Variants in MAGI3 observed in about 807,000 individuals in gnomAD.
MAGI3 encodes membrane-associated guanylate kinase, WW and PDZ domain-containing protein 3.
MAGI3 carries 43 observed loss-of-function variants against 121.8 expected under a neutral mutation model. The observed-to-expected ratio is 0.35, with a 90% CI of 0.28 to 0.46. The LOEUF (loss-of-function observed/expected upper bound fraction) is 0.46, where lower values mean the gene tolerates loss of function less well. MAGI3 is among the 20% of genes least tolerant of loss of function. MAGI3 has a pLI of 1.00. For synonymous variants in MAGI3, 553 were observed against 639.3 expected (o/e 0.86, Z 2.04); for missense variants, 1,547 against 1,797.3 (o/e 0.86, Z 2.52).
At chr1:113,654,065 C>G in intron 15 of MAGI3, 47 bp downstream of exon 15, 1 of 1,464,364 alleles carries the variant, frequency 6.8e-7, no homozygotes, top group African/African-American at 1.4e-5. Flanking sequence ...GTCCAGTTTT[C>G]TGAGGCTCCC....
intron 1 of MAGI3, among the ~76,000 whole-genome samples, chr1:113,411,580 C>T (rs1419989756): frequency 2.0e-5 from 3 of 151,810 alleles, no homozygotes; most frequent in African/African-American, 4.8e-5. Flanking sequence ...TTTTAAGTCA[C>T]GATGATTATT....
chr1:113,682,096 T>G, intron 20 of MAGI3: 1 of 1,099,342 alleles, frequency 9.1e-7, no homozygotes. Context: ...TCTCTGACTG[T>G]ATTATCTTCC....
rs570350407 is a variant in MAGI3 at position 113,568,655 on chromosome 1, A to G, written c.434-11887A>G. On this transcript the variant is annotated intron_variant, in intron 2 of 20. Coordinates refer to ENST00000307546, the MANE Select transcript of MAGI3 (RefSeq NM_001142782.2). ...GTAGTAAACACCCAAGCTTATATAG[A>G]CATTTCCATGAAAGAAGTGCTGTGG... 5.3e-5 allele frequency among the ~76,000 whole-genome samples: 8 copies of G among 152,260 alleles called. No homozygotes were observed. The South Asian group carries it at 8.3e-4, about 16-fold the overall frequency.
At chr1:113,494,023 A>G (rs1007418129) in intron 1 of MAGI3, among the ~76,000 whole-genome samples, 8 of 152,238 alleles carry the variant, frequency 5.3e-5, no homozygotes, top group African/African-American at 1.9e-4. Flanking sequence ...ATGACTGGGT[A>G]TATATCCAAA....
chr1:113,541,241 C>T (rs1659277317), intron 1 of MAGI3, among the ~76,000 whole-genome samples: 1 of 152,082 alleles, frequency 6.6e-6, no homozygotes, highest in African/African-American at 2.4e-5. Context: ...TGTGATGGCC[C>T]CTTCCAGGAA....
intron 1 of MAGI3, among the ~76,000 whole-genome samples, chr1:113,495,358 C>CT (rs11458302): frequency 0.54 from 77,265 of 143,876 alleles, 21,402 homozygotes; most frequent in African/African-American, 0.69. Flanking sequence ...TGAAGTACCT[C>CT]TTTTTTTTTT....
chr1:113,505,205 TA>T (rs890410784), intron 1 of MAGI3, among the ~76,000 whole-genome samples: 11 of 152,116 alleles, frequency 7.2e-5, no homozygotes, highest in Admixed American at 7.2e-4. Context: ...ACTCAAGATT[TA>T]AATTTGGGAG....
chr1:113,599,292 G>C (rs1226999554), intron 6 of MAGI3, among the ~76,000 whole-genome samples: 2 of 151,922 alleles, frequency 1.3e-5, no homozygotes, highest in Non-Finnish European at 1.5e-5. Flanking sequence ...CTGGTTTTTT[G>C]AAAGGATCAA....
In MAGI3 at chr1:113,511,665, A is replaced by G. The variant is rs144009621; in HGVS notation, c.317-37850A>G. On this transcript the variant is annotated intron_variant, in intron 1 of 20. Transcript: ENST00000307546. ...TGAATACAGTTAATTTCCATGTATT[A>G]ACTTTCTAGACAACCTTGAACAGGT... is the stretch of plus-strand genomic sequence containing the variant. Among the ~76,000 whole-genome samples the G allele has an allele frequency of 4.6e-4, 70 of 152,368 alleles. No homozygotes were observed. In the East Asian group the frequency reaches 0.013, roughly 28 times the overall value.
intron 1 of MAGI3, among the ~76,000 whole-genome samples, chr1:113,411,372 T>G (rs1651972281): frequency 6.6e-6 from 1 of 152,082 alleles, no homozygotes; most frequent in Non-Finnish European, 1.5e-5. Flanking sequence ...TTTTAAGTCT[T>G]ATATTTTCTC....
chr1:113,628,363 C>G (rs574903409), intron 9 of MAGI3, among the ~76,000 whole-genome samples: 2 of 152,080 alleles, frequency 1.3e-5, no homozygotes, highest in African/African-American at 4.8e-5. Context: ...TGTTATTTCT[C>G]TTTATGTCTT....
At chr1:113,659,361 C>T (rs987084948) in intron 16 of MAGI3, 96 bp downstream of exon 16, 16 of 1,215,974 alleles carry the variant, frequency 1.3e-5, no homozygotes, top group African/African-American at 3.1e-5. Flanking sequence ...AGAATCACTG[C>T]GGGGATATAA....
chr1:113,677,741 CCTTT>C (rs1295173658), intron 19 of MAGI3, among the ~76,000 whole-genome samples: 4 of 151,330 alleles, frequency 2.6e-5, no homozygotes, highest in African/African-American at 9.7e-5. Flanking sequence ...TATTTTTTTT[CCTTT>C]CTCTTTTCTT....
At chr1:113,550,839 T>C (rs1274306784) in intron 2 of MAGI3, among the ~76,000 whole-genome samples, 1 of 151,226 alleles carries the variant, frequency 6.6e-6, no homozygotes, top group Admixed American at 6.6e-5. Context: ...TGTAAATCAA[T>C]TTGTAAAGCC....
At chr1:113,580,761 AC>A in intron 3 of MAGI3, 100 bp downstream of exon 3, 1 of 1,197,272 alleles carries the variant, frequency 8.4e-7, no homozygotes, top group South Asian at 2.7e-5. Context: ...TTTTTGAAAA[AC>A]TTTTTTTCCT....
At chr1:113,420,929 T>C (rs1009194488) in intron 1 of MAGI3, among the ~76,000 whole-genome samples, 3 of 152,230 alleles carry the variant, frequency 2.0e-5, no homozygotes, top group Non-Finnish European at 2.9e-5. Context: ...AAAAAGTTTA[T>C]GTACTTTCAG....
intron 1 of MAGI3, among the ~76,000 whole-genome samples, chr1:113,457,753 A>G (rs1380482846): frequency 6.6e-6 from 1 of 152,150 alleles, no homozygotes; most frequent in Non-Finnish European, 1.5e-5. Context: ...AGAGAAGATA[A>G]AATAGGTATT....
At chr1:113,550,572 A>G (rs936840471) in intron 2 of MAGI3, among the ~76,000 whole-genome samples, 5 of 151,656 alleles carry the variant, frequency 3.3e-5, no homozygotes, top group African/African-American at 4.8e-5. Context: ...CCTGGCCAAC[A>G]TGGTGAAACC....
Position 113,641,998 on chromosome 1 carries a change from A to C in MAGI3, c.1448A>C (p.Asn483Thr). The C allele has an allele frequency of 6.2e-7, 1 of 1,614,114 alleles. No homozygotes were observed. The highest frequency in any genetic ancestry group is 8.5e-7 in the Non-Finnish European group (1 of 1,179,988). ...VVQMFQLVPV[N>T]QYVNLTLCRG... ...CAGATGTTTCAATTGGTACCTGTCA[A>C]TCAGTATGTAAACCTCACTTTATGT... The change falls in exon 10 of 21, where the codon AAT becomes ACT. Residue 483 changes from asparagine (N) to threonine (T), a missense_variant. Physicochemically the swap from Asn to Thr is moderately conservative, Grantham distance 65. Coordinates refer to ENST00000307546, the MANE Select transcript of MAGI3 (RefSeq NM_001142782.2).
Sources: allele counts gnomAD v4.1 joint callset (sites outside exome capture counted in the v4.1 genomes callset), GRCh38; gene constraint gnomAD v4.1.1; transcripts MANE v1.5; gene names NCBI Gene and HGNC (gene_info 2026-07-23, HGNC 2026-07-21).